LRCH2: variants seen among roughly 807,000 people sequenced by gnomAD.
LRCH2 encodes leucine rich repeats and calponin homology domain containing 2, also known as leucine-rich repeat and calponin homology domain-containing protein 2.
Under a neutral mutation model 68.9 loss-of-function variants are expected in LRCH2, and 38 were observed. That is an observed-to-expected ratio of 0.55 (90% CI 0.43 to 0.72). The LOEUF (loss-of-function observed/expected upper bound fraction) is 0.72, where lower values mean the gene tolerates loss of function less well. LRCH2 is among the 30% of genes least tolerant of loss of function. The probability of loss-of-function intolerance (pLI) is 0.00; values close to 1 mark genes in which losing one functional copy is unlikely to be tolerated. For synonymous variants in LRCH2, 191 were observed against 208.1 expected (o/e 0.92, Z 0.71); for missense variants, 528 against 572.9 (o/e 0.92, Z 0.80).
At chrX:115,217,691 G>A (rs990914089) in intron 1 of LRCH2, among the ~76,000 whole-genome samples, 3 of 111,855 alleles carry the variant, frequency 2.7e-5, no homozygotes, top group Admixed American at 9.5e-5. Flanking sequence ...ATAAACGTAC[G>A]TGTGCATGTC....
At chrX:115,164,598 A>G (rs1310455127) in intron 10 of LRCH2, among the ~76,000 whole-genome samples, 1 of 111,702 alleles carries the variant, frequency 9.0e-6, no homozygotes, top group Non-Finnish European at 1.9e-5. Flanking sequence ...AGAAAAGAGA[A>G]AAGTTTAAAA....
chrX:115,207,144 A>C (rs1386809237), intron 1 of LRCH2, among the ~76,000 whole-genome samples: 1 of 111,976 alleles, frequency 8.9e-6, no homozygotes, highest in Non-Finnish European at 1.9e-5. Context: ...AATATGACTA[A>C]TAATGAACAA....
chrX:115,130,315 C>T (rs1236945803), intron 14 of LRCH2, 116 bp from the exon 15 acceptor site: 4 of 382,425 alleles, frequency 1.0e-5, no homozygotes, highest in African/African-American at 2.6e-5. Flanking sequence ...TACCTGATAA[C>T]AAATTTAAGT....
intron 1 of LRCH2, among the ~76,000 whole-genome samples, chrX:115,232,001 C>A (rs2073155710): frequency 9.0e-6 from 1 of 111,084 alleles, no homozygotes; most frequent in Non-Finnish European, 1.9e-5. Flanking sequence ...ATTAAATAGA[C>A]GGAGAAAAGA....
Position 115,110,871 on chromosome X carries a change from C to G in LRCH2, c.*2345G>C, listed in dbSNP as rs1412432247. The G allele has an allele frequency of 9.0e-6, 1 of 111,365 alleles. No homozygotes were observed. The highest frequency in any genetic ancestry group is 3.3e-5 in the African/African-American group (1 of 30,643). 9.2% of individuals were successfully genotyped at this position (111,365 alleles called of 1,213,427 possible). ...AATGTCACTTCTTTCTTGTGCCATA[C>G]AGTAATAAAATGTAACAGAAATAGA... is the stretch of plus-strand genomic sequence containing the variant. On this transcript the variant is annotated 3_prime_UTR_variant, in exon 21 of 21. Coordinates refer to ENST00000317135, the MANE Select transcript of LRCH2 (RefSeq NM_020871.4).
At chrX:115,182,501 A>T (rs2147407800) in intron 3 of LRCH2, among the ~76,000 whole-genome samples, 1 of 111,960 alleles carries the variant, frequency 8.9e-6, no homozygotes, top group East Asian at 2.8e-4. Flanking sequence ...AAAGGAATAA[A>T]GGTAATAAGG....
At position 115,116,623 on chromosome X, in the gene LRCH2, C is replaced by G. The variant is rs188379209; in HGVS notation, c.2179-3288G>C. ...CTGAACTCTGTGATTATGCTAAAAA[C>G]CATTTAATTGTACACTTTAAATCAG... On this transcript the variant is annotated intron_variant, in intron 20 of 20. Coordinates refer to ENST00000317135, the MANE Select transcript of LRCH2 (RefSeq NM_020871.4). Among the ~76,000 whole-genome samples, 945 of 111,014 alleles carry G rather than the reference C, an allele frequency of 8.5e-3. 13 individuals carry two copies. The highest frequency in any genetic ancestry group is 0.03 in the African/African-American group (915 of 30,674).
chrX:115,132,134 T>C (rs2072251112), intron 14 of LRCH2, among the ~76,000 whole-genome samples: 1 of 112,084 alleles, frequency 8.9e-6, no homozygotes, highest in South Asian at 3.7e-4. Flanking sequence ...GCTTTTGGTG[T>C]TTTAGTCATG....
At chrX:115,191,822 G>A (rs80194951) in intron 1 of LRCH2, 165,685 of 1,161,117 alleles carry the variant, frequency 0.14, 8,950 homozygotes, top group Non-Finnish European at 0.16. Context: ...AGCGGAGGCC[G>A]CTCACCCAAT....
At chrX:115,209,207 C>A (rs1287191500) in intron 1 of LRCH2, among the ~76,000 whole-genome samples, 1 of 112,358 alleles carries the variant, frequency 8.9e-6, no homozygotes, top group Non-Finnish European at 1.9e-5. Context: ...ATTTCTAATC[C>A]TTTTAACAAT....
chrX:115,118,886 T>C (rs2072109004), intron 20 of LRCH2, among the ~76,000 whole-genome samples: 1 of 111,095 alleles, frequency 9.0e-6, no homozygotes, highest in South Asian at 3.8e-4. Context: ...ATAAATGTAA[T>C]CCAGCATATA....
At chrX:115,116,301 C>T (rs1464888603) in intron 20 of LRCH2, among the ~76,000 whole-genome samples, 2 of 111,098 alleles carry the variant, frequency 1.8e-5, no homozygotes, top group African/African-American at 6.5e-5. Context: ...GATAACAATC[C>T]AAATGTCTAT....
intron 17 of LRCH2, 24 bp downstream of exon 17, chrX:115,123,921 T>G: frequency 2.0e-6 from 2 of 1,016,521 alleles, no homozygotes; most frequent in Non-Finnish European, 2.6e-6. Flanking sequence ...ACTAATAAAT[T>G]TTATTTACAG....
chrX:115,117,835 T>C (rs782189842), intron 20 of LRCH2, among the ~76,000 whole-genome samples: 1 of 110,921 alleles, frequency 9.0e-6, no homozygotes, highest in South Asian at 3.8e-4. Flanking sequence ...GCAGTAGATA[T>C]GTTCATTATT....
intron 6 of LRCH2, among the ~76,000 whole-genome samples, 165 bp downstream of exon 6, chrX:115,170,134 C>CTAGA (rs1391341948): frequency 9.0e-6 from 1 of 111,626 alleles, no homozygotes; most frequent in Non-Finnish European, 1.9e-5. Context: ...TTCTAGTATC[C>CTAGA]TAGAACTTCA....
In LRCH2 at chrX:115,176,734, CTTTTTTCTTT is replaced by C. The variant is rs782439852; in HGVS notation, c.864+2683_864+2692del. 5.0e-4 allele frequency among the ~76,000 whole-genome samples: 54 copies of C among 107,354 alleles called. 1 individual carries two copies. The South Asian group carries it at 0.02, about 39-fold the overall frequency. 93.2% of individuals were successfully genotyped at this position (107,354 alleles called of 115,157 possible). A position where few individuals can be genotyped will look rare whatever the true frequency, so the allele number is the denominator to read the frequency against. ...TGATTCTTGGCTGGCTGTTCATTTTCTTTTTTCTTTTTTTTTCTTTTTTTTTTTTTGAGAC... is the reference window on the plus strand; with the variant it reads ...TGATTCTTGGCTGGCTGTTCATTTTCTTTTTTCTTTTTTTTTTTTTGAGAC... On this transcript the variant is annotated intron_variant, in intron 5 of 20. Coordinates refer to ENST00000317135, the MANE Select transcript of LRCH2 (RefSeq NM_020871.4).
chrX:115,206,534 G>A (rs1314069507), intron 1 of LRCH2, among the ~76,000 whole-genome samples: 2 of 112,403 alleles, frequency 1.8e-5, no homozygotes, highest in Admixed American at 9.4e-5. Context: ...TCCTATCGCA[G>A]GTAACTAGCC....
chrX:115,189,925 C>T lies in LRCH2; in HGVS notation c.350-1555G>A. The T allele has an allele frequency of 3.5e-6, 4 of 1,158,123 alleles. No individual in the cohort carries two copies. The highest frequency in any genetic ancestry group is 3.5e-5 in the African/African-American group (2 of 56,377). On this transcript the variant is annotated intron_variant, in intron 1 of 20. Transcript: ENST00000317135. ...ACCGCGGCACTGGGCCAGCCCACCC[C>T]ACAAGAGGGCCACGCCGTCGAGCCT... is the stretch of plus-strand genomic sequence containing the variant.
At chrX:115,202,149 C>T (rs191853220) in intron 1 of LRCH2, among the ~76,000 whole-genome samples, 1 of 111,873 alleles carries the variant, frequency 8.9e-6, no homozygotes, top group Non-Finnish European at 1.9e-5. Flanking sequence ...TTAGAAAAAA[C>T]AATCATAAAA....
Sources: gnomAD v4.1 joint callset for allele counts (sites outside exome capture counted in the v4.1 genomes callset) on GRCh38, gnomAD v4.1.1 for gene constraint, MANE v1.5 for transcripts, NCBI Gene and HGNC (gene_info 2026-07-23, HGNC 2026-07-21) for gene names.